KIAA1217: variants seen among roughly 807,000 people sequenced by gnomAD.
The protein encoded by KIAA1217 is sickle tail protein homolog.
In KIAA1217, 88 loss-of-function variants were observed where a neutral mutation model predicts 163.9. That is an observed-to-expected ratio of 0.54 (90% CI 0.45 to 0.64). KIAA1217 has a LOEUF of 0.64. Ranked by LOEUF, KIAA1217 falls within the 30% of genes least tolerant of loss-of-function variation. KIAA1217 has a pLI of 0.00. For synonymous variants in KIAA1217, 903 were observed against 923.1 expected, an observed-to-expected ratio of 0.98 and a Z score of 0.39; for missense variants, 2,372 against 2,475.0, an observed-to-expected ratio of 0.96 and a Z score of 0.88.
chr10:23,826,447 G>A (rs1008450654), intron 1 of KIAA1217, among the ~76,000 whole-genome samples: 2 of 152,142 alleles, frequency 1.3e-5, no homozygotes, highest in African/African-American at 4.8e-5. Context: ...TAGCTACTCG[G>A]GAGGCTGAGA....
intron 2 of KIAA1217, among the ~76,000 whole-genome samples, chr10:24,242,571 G>A (rs542170624): frequency 1.3e-5 from 2 of 152,024 alleles, no homozygotes; most frequent in East Asian, 1.9e-4. Flanking sequence ...GTGTCTTCTC[G>A]GTATAATGAT....
At chr10:24,527,519 C>CA (rs2072386116) in intron 13 of KIAA1217, among the ~76,000 whole-genome samples, 1 of 150,566 alleles carries the variant, frequency 6.6e-6, no homozygotes, top group African/African-American at 2.4e-5. Context: ...AAAAATTAGC[C>CA]ATGTGTGGTG....
chr10:23,719,928 C>T (rs1837777459), intron 1 of KIAA1217, among the ~76,000 whole-genome samples: 1 of 151,786 alleles, frequency 6.6e-6, no homozygotes, highest in Admixed American at 6.6e-5. Context: ...AACAAAAAGG[C>T]TATATAGTGT....
chr10:24,069,457 G>A (rs949422570), intron 2 of KIAA1217, among the ~76,000 whole-genome samples: 2 of 152,222 alleles, frequency 1.3e-5, no homozygotes, highest in Non-Finnish European at 2.9e-5. Context: ...AGCACTCTGA[G>A]ACAAGTGGAA....
chr10:24,442,724 G>A (rs2060597437), intron 5 of KIAA1217, among the ~76,000 whole-genome samples: 1 of 152,076 alleles, frequency 6.6e-6, no homozygotes, highest in Admixed American at 6.5e-5. Flanking sequence ...GAGGAGGGAT[G>A]TAAAACATTG....
rs1028028244 is a variant in KIAA1217 at position 24,346,482 on chromosome 10, A to G, written c.355-34387A>G. Among the ~76,000 whole-genome samples, 4 of 151,130 alleles carry G rather than the reference A, an allele frequency of 2.6e-5. No individual in the cohort carries two copies. In the East Asian group the frequency reaches 7.8e-4, roughly 29 times the overall value. Reference sequence around the variant, plus strand: ...GCGAGACTCCGTCTCAAAAAATAATAATAATAATATTTCTTTGTATGTCTA... The same window carrying G: ...GCGAGACTCCGTCTCAAAAAATAATGATAATAATATTTCTTTGTATGTCTA... On this transcript the variant is annotated intron_variant, in intron 2 of 20. Transcript: ENST00000376454.
In KIAA1217 at chr10:24,024,372, C is replaced by T. The variant is rs185551367; in HGVS notation, c.-171+16998C>T. On this transcript the variant is annotated intron_variant, in intron 2 of 18. Transcript: ENST00000376462. The stretch of plus-strand genomic sequence containing the variant: ...AGTCTTTTGTGTTTGATTTCTTTCC[C>T]TCATAACAATACTTTATCCAAGTTG... Among the ~76,000 whole-genome samples the T allele has an allele frequency of 7.8e-4, 118 of 151,632 alleles. No homozygotes were observed. The East Asian group carries it at 0.02, about 25-fold the overall frequency.
At chr10:24,161,630 A>G (rs142206212) in intron 2 of KIAA1217, among the ~76,000 whole-genome samples, 8 of 152,364 alleles carry the variant, frequency 5.3e-5, no homozygotes, top group Non-Finnish European at 7.4e-5. Flanking sequence ...TGAGAACACA[A>G]TACTCAAAGT....
At chr10:24,008,795 C>T (rs1177888318) in intron 2 of KIAA1217, among the ~76,000 whole-genome samples, 4 of 152,252 alleles carry the variant, frequency 2.6e-5, no homozygotes, top group African/African-American at 7.2e-5. Context: ...CCTACGCTAC[C>T]GCCCCATTAG....
chr10:24,389,207 A>G (rs1301533698), intron 3 of KIAA1217, among the ~76,000 whole-genome samples: 1 of 152,236 alleles, frequency 6.6e-6, no homozygotes, highest in Non-Finnish European at 1.5e-5. Context: ...TACACCATGT[A>G]ATACTATGTA....
chr10:24,520,204 CG>C lies in KIAA1217; in HGVS notation c.2263del (p.Ala755LeufsTer11). 1.9e-6 allele frequency: 3 copies of C among 1,614,136 alleles called. No individual in the cohort carries two copies. Among genetic ancestry groups the C allele is most frequent in the Non-Finnish European group, 2.5e-6 (3 of 1,180,010 alleles). On this transcript the variant is annotated frameshift_variant, in exon 11 of 21. Transcript: ENST00000376454. LOFTEE classifies it high-confidence loss of function. The stretch of plus-strand genomic sequence containing the variant: ...TGGTTACTCTGAAAGACGTGGAAGA[CG>C]GGGCTTTCCTCCTGCGTCAAGTGGG... Reference protein sequence around the residue: ...RLVTLKDVEDGAFLLRQVGEA... With the variant: ...RLVTLKDVEDXAFLLRQVGEA...
intron 1 of KIAA1217, among the ~76,000 whole-genome samples, chr10:23,790,298 C>T (rs1426694362): frequency 2.9e-5 from 2 of 69,930 alleles, no homozygotes; most frequent in African/African-American, 6.7e-5. Context: ...TATGCATATG[C>T]ACATATGCAT....
Position 23,695,758 on chromosome 10 carries a change from T to G in KIAA1217, c.-321+524T>G, listed in dbSNP as rs1232303653. Among the ~76,000 whole-genome samples, 1 of 149,746 alleles carries G rather than the reference T, an allele frequency of 6.7e-6. No individual in the cohort carries two copies. Reference sequence around the variant, plus strand: ...GGAGTTTGGAGCTGGGGGTTCGGAGTGGGAGGTTTGGGTCTTCTGAGACGC... The same window carrying G: ...GGAGTTTGGAGCTGGGGGTTCGGAGGGGGAGGTTTGGGTCTTCTGAGACGC... On this transcript the variant is annotated intron_variant, in intron 1 of 18. Coordinates refer to the KIAA1217 transcript ENST00000376462. The surrounding 1 kb of genome is among the most constrained non-coding windows in gnomAD (Gnocchi z 4.9).
intron 1 of KIAA1217, among the ~76,000 whole-genome samples, chr10:23,941,146 A>G (rs1467435250): frequency 6.6e-6 from 1 of 152,142 alleles, no homozygotes; most frequent in East Asian, 1.9e-4. Flanking sequence ...CAAATATTTA[A>G]CTATGGTTGT....
At chr10:24,216,361 C>CCG (rs2068817219) in intron 1 of KIAA1217, among the ~76,000 whole-genome samples, 1 of 152,174 alleles carries the variant, frequency 6.6e-6, no homozygotes, top group East Asian at 1.9e-4. Context: ...GTTGGACATG[C>CCG]ATGGATGTTT....
intron 3 of KIAA1217, among the ~76,000 whole-genome samples, chr10:24,391,360 T>G (rs1416518666): frequency 9.1e-6 from 1 of 110,306 alleles, no homozygotes; most frequent in Non-Finnish European, 1.7e-5. Context: ...TTTTTTTTTT[T>G]GTGAGACGGA....
intron 2 of KIAA1217, among the ~76,000 whole-genome samples, chr10:24,310,751 C>G (rs1005879430): frequency 2.0e-5 from 3 of 152,146 alleles, no homozygotes; most frequent in Non-Finnish European, 4.4e-5. Context: ...AATCCCAGCA[C>G]TTTAGGTGGC....
intron 6 of KIAA1217, among the ~76,000 whole-genome samples, chr10:24,493,357 T>C (rs7073544): frequency 0.23 from 35,031 of 152,154 alleles, 4,347 homozygotes; most frequent in South Asian, 0.38. Flanking sequence ...GCACAGGCAA[T>C]GCCCATGCCA....
intron 2 of KIAA1217, among the ~76,000 whole-genome samples, chr10:24,098,724 CGTGTGTGTGTGT>C (rs10524680): frequency 4.3e-5 from 6 of 139,272 alleles, no homozygotes; most frequent in Non-Finnish European, 6.2e-5. Context: ...TGAAGGGGAG[CGTGTGTGTGTGT>C]GTGTGTGTGT....
Sources: gnomAD v4.1 joint callset for allele counts (sites outside exome capture counted in the v4.1 genomes callset) on GRCh38, gnomAD v4.1.1 for gene constraint, Gnocchi (gnomAD v3.1) non-coding constraint, MANE v1.5 for transcripts, NCBI Gene and HGNC (gene_info 2026-07-23, HGNC 2026-07-21) for gene names.